The following CRYM variants were observed in gnomAD, a reference collection of about 807,000 sequenced individuals.
The protein encoded by CRYM is crystallin mu.
A neutral mutation model predicts 32.9 loss-of-function variants in CRYM; 18 were observed. That is an observed-to-expected ratio of 0.55 (90% CI 0.38 to 0.81). The LOEUF is 0.81. Among genes scored for constraint, CRYM ranks in the 30% least tolerant of loss-of-function variants. The pLI is 0.00. For missense variants in CRYM, 337 were observed against 393.5 expected (o/e 0.86, Z 1.21); for synonymous variants, 153 against 152.4 (o/e 1.00, Z -0.03).
chr16:21,261,142 T>C lies in CRYM; in HGVS notation c.880+112A>G. Reference sequence around the variant, plus strand: ...CCATGTAAATAATTGACCTGAATGATGGAGCACAATGATTCAGCTGCAGAG... The same window carrying C: ...CCATGTAAATAATTGACCTGAATGACGGAGCACAATGATTCAGCTGCAGAG... On this transcript the variant is annotated intron_variant, in intron 7 of 7. Coordinates refer to ENST00000572914, the MANE Select transcript of CRYM (RefSeq NM_001376256.1). 3 of 836,310 alleles carry C rather than the reference T, an allele frequency of 3.6e-6. No homozygotes were observed. In the African/African-American group the frequency reaches 5.1e-5, roughly 14 times the overall value. The allele number at this position is 836,310 out of a possible 1,614,324, so 51.8% of individuals were successfully genotyped here.
At chr16:21,262,615 T>C (rs1217058180) in intron 5 of CRYM, among the ~76,000 whole-genome samples, 2 of 152,004 alleles carry the variant, frequency 1.3e-5, no homozygotes, top group Admixed American at 6.6e-5. Flanking sequence ...TGAGGCTCCA[T>C]CTCAAAAAAA....
intron 3 of CRYM, among the ~76,000 whole-genome samples, chr16:21,274,631 ACACT>A (rs1597619936): frequency 6.6e-6 from 1 of 151,898 alleles, no homozygotes. Flanking sequence ...GTTTTTTAAG[ACACT>A]CACTCTTTTG....
chr16:21,276,995 A>G (rs2093387882), intron 2 of CRYM, among the ~76,000 whole-genome samples: 1 of 152,180 alleles, frequency 6.6e-6, no homozygotes, highest in East Asian at 1.9e-4. Context: ...TTTTGAAACT[A>G]TGATTAGATA....
At chr16:21,293,682 G>C in intron 1 of CRYM, among the ~76,000 whole-genome samples, 1 of 152,180 alleles carries the variant, frequency 6.6e-6, no homozygotes, top group East Asian at 1.9e-4. Context: ...ACTTCATACA[G>C]ATATTAGCAA....
intron 1 of CRYM, among the ~76,000 whole-genome samples, chr16:21,295,436 T>C (rs1960769153): frequency 1.3e-5 from 2 of 152,054 alleles, no homozygotes; most frequent in Non-Finnish European, 2.9e-5. Context: ...ATGTTGAGCT[T>C]TTTTTTATGT....
At position 21,287,046 on chromosome 16, in the gene CRYM, C is replaced by T. The variant is rs559988829; in HGVS notation, c.-192-8086G>A. Among the ~76,000 whole-genome samples, 39 of 150,986 alleles carry T rather than the reference C, an allele frequency of 2.6e-4. 1 individual carries two copies. Among genetic ancestry groups the T allele is most frequent in the African/African-American group, 7.5e-4 (31 of 41,092 alleles). On this transcript the variant is annotated intron_variant, in intron 1 of 9. Transcript: ENST00000219599. The stretch of plus-strand genomic sequence containing the variant: ...CGGAGTTTGCAGTGAGCCAAGATCA[C>T]GCCACTGCACTCCAGCCTGGGCGAC...
chr16:21,301,415 T>A (rs557284140), intron 1 of CRYM: 4 of 124,708 alleles, frequency 3.2e-5, no homozygotes, highest in Non-Finnish European at 6.5e-5. Context: ...GAGATGGGTG[T>A]GCGCATGGGA....
intron 1 of CRYM, among the ~76,000 whole-genome samples, chr16:21,289,092 T>A (rs540352545): frequency 4.5e-4 from 69 of 152,340 alleles, no homozygotes; most frequent in African/African-American, 1.6e-3. Flanking sequence ...GTATTTTATA[T>A]ATACCTTTAG....
upstream of CRYM, chr16:21,278,537 C>A: frequency 3.7e-6 from 2 of 539,786 alleles, no homozygotes; most frequent in Non-Finnish European, 6.7e-6. Context: ...TTTCTCAGTT[C>A]CTGTAATCAG....
intron 5 of CRYM, among the ~76,000 whole-genome samples, chr16:21,266,383 C>A (rs2093363696): frequency 6.6e-6 from 1 of 152,064 alleles, no homozygotes; most frequent in Non-Finnish European, 1.5e-5. Context: ...AGAATAATGT[C>A]ATTTAATATA....
intron 1 of CRYM, among the ~76,000 whole-genome samples, chr16:21,290,917 T>C (rs1026966972): frequency 2.5e-4 from 38 of 152,228 alleles, no homozygotes; most frequent in African/African-American, 1.4e-4. Context: ...CATTGGTTTC[T>C]TGTTCGCATG....
In CRYM at chr16:21,264,939, C is replaced by T. The variant is rs150775688; in HGVS notation, c.673+2615G>A. On this transcript the variant is annotated intron_variant, in intron 5 of 7. Transcript: ENST00000572914. ...GACCCCCGAGCATGAGATGAGATTG[C>T]AGCCCGGATGTTGCCCAATTTCTTT... is the stretch of plus-strand genomic sequence containing the variant. 3.0e-3 allele frequency among the ~76,000 whole-genome samples: 453 copies of T among 152,322 alleles called. 4 individuals are homozygous for T. Among genetic ancestry groups the T allele is most frequent in the African/African-American group, 0.01 (419 of 41,578 alleles).
intron 5 of CRYM, among the ~76,000 whole-genome samples, chr16:21,266,851 CA>C (rs1411010895): frequency 6.6e-6 from 1 of 151,576 alleles, no homozygotes; most frequent in East Asian, 2.0e-4. Context: ...CCAAAAATTA[CA>C]AAAAATTAGC....
chr16:21,262,287 C>A, intron 5 of CRYM, 129 bp from the exon 6 acceptor site: 2 of 1,120,016 alleles, frequency 1.8e-6, no homozygotes, highest in East Asian at 2.6e-5. Context: ...CCCTCATTCC[C>A]CAGGCCATGC....
intron 6 of CRYM, 151 bp downstream of exon 6, chr16:21,261,886 G>C (rs2093355163): frequency 2.4e-6 from 2 of 845,848 alleles, no homozygotes; most frequent in South Asian, 1.6e-5. Flanking sequence ...ATTAAAGAGG[G>C]TTGCAAAATG....
At chr16:21,301,722 C>G (rs754841545) in intron 1 of CRYM, among the ~76,000 whole-genome samples, 4 of 152,244 alleles carry the variant, frequency 2.6e-5, no homozygotes, top group Non-Finnish European at 4.4e-5. Context: ...ACTGCGCGCC[C>G]CCAGCCCTAG....
chr16:21,274,183 C>G (rs1423144063), intron 3 of CRYM, among the ~76,000 whole-genome samples: 1 of 152,224 alleles, frequency 6.6e-6, no homozygotes, highest in Non-Finnish European at 1.5e-5. Context: ...CACCCTGTTT[C>G]CTAAGCCTCA....
In CRYM at chr16:21,272,816, ATTTTTTTTTTTTT is replaced by A. The variant is rs60416570; in HGVS notation, c.387+2703_387+2715del. ...AGGCACCTGCCACCATGCCCAGCTA[ATTTTTTTTTTTTT>A]TTTTTTTTTTTTTTTTTTAGTACAG... On this transcript the variant is annotated intron_variant, in intron 3 of 7. Coordinates refer to ENST00000572914, the MANE Select transcript of CRYM (RefSeq NM_001376256.1). 0.019 allele frequency among the ~76,000 whole-genome samples: 799 copies of A among 42,372 alleles called. 40 individuals are homozygous for A. The East Asian group carries it at 0.25, about 13-fold the overall frequency. The allele number at this position is 42,372 out of a possible 152,430, so 27.8% of individuals were successfully genotyped here. A position where few individuals can be genotyped will look rare whatever the true frequency, so the allele number is the denominator to read the frequency against.
Position 21,269,766 on chromosome 16 carries a change from TCCCACC to T in CRYM, c.489+18_489+23del. 2 of 690,470 alleles carry T rather than the reference TCCCACC, an allele frequency of 2.9e-6. No homozygotes were observed. The highest frequency in any genetic ancestry group is 5.1e-6 in the Non-Finnish European group (2 of 388,912). The allele number at this position is 690,470 out of a possible 1,614,324, so 42.8% of individuals were successfully genotyped here. A position where few individuals can be genotyped will look rare whatever the true frequency, so the allele number is the denominator to read the frequency against. On this transcript the variant is annotated intron_variant, in intron 4 of 7. Transcript: ENST00000572914. ...AAGGACCACCCCCTTCCCTCTTCTC[TCCCACC>T]CCCACCCCTGGACTTACCTCCTTAA...
Sources: allele counts gnomAD v4.1 joint callset (sites outside exome capture counted in the v4.1 genomes callset), GRCh38; gene constraint gnomAD v4.1.1; transcripts MANE v1.5; gene names NCBI Gene and HGNC (gene_info 2026-07-23, HGNC 2026-07-21).